The following UBN2 variants were observed in gnomAD, a reference collection of about 807,000 sequenced individuals.
UBN2 encodes ubinuclein 2.
Under a neutral mutation model 120.2 loss-of-function variants are expected in UBN2, and 35 were observed. The ratio of observed to expected loss-of-function variants is 0.29; its 90% CI spans 0.22 to 0.39. The LOEUF is 0.39. UBN2 is among the 10% of genes least tolerant of loss of function. The pLI is 1.00. For synonymous variants in UBN2, 661 were observed against 648.7 expected, an observed-to-expected ratio of 1.02 and a Z score of -0.29; for missense variants, 1,693 against 1,663.2, an observed-to-expected ratio of 1.02 and a Z score of -0.31.
intron 15 of UBN2, among the ~76,000 whole-genome samples, chr7:139,291,862 AT>A (rs780866391): frequency 2.6e-4 from 39 of 152,248 alleles, no homozygotes; most frequent in African/African-American, 7.7e-4. Flanking sequence ...TCTAAAAAAA[AT>A]AATAATAAAT....
In UBN2 at chr7:139,266,419, TAAAA is replaced by T; in HGVS notation, c.1466+24_1466+27del. The T allele has an allele frequency of 1.8e-6, 2 of 1,108,982 alleles. No individual in the cohort carries two copies. Among genetic ancestry groups the T allele is most frequent in the South Asian group, 1.6e-5 (1 of 62,404 alleles). 68.7% of individuals were successfully genotyped at this position (1,108,982 alleles called of 1,614,324 possible). On this transcript the variant is annotated intron_variant, in intron 7 of 17. Coordinates refer to ENST00000473989, the MANE Select transcript of UBN2 (RefSeq NM_173569.4). ...TTCTTCTGGAGTAAGTAATTTTCTT[TAAAA>T]AAAAAAACCTTAAGAATGATACATT...
chr7:139,249,813 T>G (rs1376025611), intron 2 of UBN2, among the ~76,000 whole-genome samples: 1 of 151,968 alleles, frequency 6.6e-6, no homozygotes, highest in African/African-American at 2.4e-5. Flanking sequence ...TCCTCCTGCC[T>G]CAGCCTCTCA....
At chr7:139,266,426 A>G in intron 7 of UBN2, 23 bp downstream of exon 7, 1 of 1,383,878 alleles carries the variant, frequency 7.2e-7, no homozygotes, top group African/African-American at 1.5e-5. Flanking sequence ...CTTTAAAAAA[A>G]AAAACCTTAA....
In UBN2 at chr7:139,283,456, G is replaced by A. The variant is rs1187683628; in HGVS notation, c.2551G>A (p.Gly851Ser). The change falls in exon 15 of 18, where the codon GGC becomes AGC. Residue 851 changes from glycine to serine, a missense_variant. Gly to Ser is a moderately conservative substitution (Grantham distance 56). Around this residue, in one of 5 missense-constraint regions of UBN2, gnomAD observed 837 missense variants for 817.6 expected, o/e 1.02. Transcript: ENST00000473989. Reference sequence around the variant, plus strand: ...GAAACCCCAGGATTTAGCTCATACTGGCATCTCTTCAGGCCTTATTGCTGG... The same window carrying A: ...GAAACCCCAGGATTTAGCTCATACTAGCATCTCTTCAGGCCTTATTGCTGG... ...PKKPQDLAHT[G>S]ISSGLIAGSS... 6.2e-7 allele frequency: 1 copy of A among 1,614,072 alleles called. No homozygotes were observed. Among genetic ancestry groups the A allele is most frequent in the South Asian group, 1.1e-5 (1 of 91,076 alleles).
In UBN2 at chr7:139,293,045, G is replaced by A. The variant is rs147263004; in HGVS notation, c.3670-187G>A. On this transcript the variant is annotated intron_variant, in intron 15 of 17. Transcript: ENST00000473989. The stretch of plus-strand genomic sequence containing the variant: ...TAGTAGATTGAGAGAGTGCGTGGGT[G>A]TTCATGTAAGTGCCACTAAAATAAC... Among the ~76,000 whole-genome samples, 10 of 152,244 alleles carry A rather than the reference G, an allele frequency of 6.6e-5. No individual in the cohort carries two copies. In the East Asian group the frequency reaches 1.9e-3, roughly 29 times the overall value.
chr7:139,310,512 T>G (rs1395843505), downstream of UBN2, among the ~76,000 whole-genome samples: 4 of 152,166 alleles, frequency 2.6e-5, no homozygotes, highest in African/African-American at 9.7e-5. Flanking sequence ...TGGTCATGCC[T>G]GTAATCCCAG....
At chr7:139,328,129 C>G in the UBN2 span, among the ~76,000 whole-genome samples, 1 of 152,146 alleles carries the variant, frequency 6.6e-6, no homozygotes, top group Non-Finnish European at 1.5e-5. Flanking sequence ...TATTTTCACA[C>G]TGCTATAAAG....
chr7:139,241,928 G>T (rs924688805), intron 2 of UBN2, among the ~76,000 whole-genome samples: 2 of 152,086 alleles, frequency 1.3e-5, no homozygotes, highest in Non-Finnish European at 2.9e-5. Context: ...AACCCAGGAG[G>T]CAGAGATTGC....
At position 139,283,347 on chromosome 7, in the gene UBN2, A is replaced by G. The variant is rs139682698; in HGVS notation, c.2442A>G (p.Pro814=). The change falls in exon 15 of 18, where the codon CCA becomes CCG. Residue 814 remains proline, a synonymous_variant. Coordinates refer to ENST00000473989, the MANE Select transcript of UBN2 (RefSeq NM_173569.4). ...TAGCAAGTATCATGAGTAAGCTGCC[A>G]CTAGCTACTCCCAAAAAACTAGATT... ...EKLASIMSKL[P]LATPKKLDST... is the part of the protein sequence containing the mutation. 1.7e-5 allele frequency: 28 copies of G among 1,613,934 alleles called. No individual in the cohort carries two copies. The highest frequency in any genetic ancestry group is 3.3e-4 in the Middle Eastern group (2 of 6,084).
chr7:139,297,842 C>CAGCA lies in UBN2; in HGVS notation c.*12_*15dup, dbSNP rs1484999525. 5.0e-6 allele frequency: 8 copies of CAGCA among 1,613,944 alleles called. No homozygotes were observed. The Middle Eastern group carries it at 4.9e-4, about 100-fold the overall frequency. ...TACCACGGAAATCTCAGTGACTGCC[C>CAGCA]AGCAAGCAAAGGAGACGAAATGTTT... On this transcript the variant is annotated 3_prime_UTR_variant, in exon 18 of 18. Coordinates refer to ENST00000473989, the MANE Select transcript of UBN2 (RefSeq NM_173569.4).
At chr7:139,277,712 GTA>G (rs1797485990) in intron 12 of UBN2, 1 of 152,092 alleles carries the variant, frequency 6.6e-6, no homozygotes, top group South Asian at 2.1e-4. Context: ...ATGTACATAC[GTA>G]TATGTTTGTG....
In UBN2 at chr7:139,297,976, A is replaced by T. The variant is rs1423957047; in HGVS notation, c.*140A>T. On this transcript the variant is annotated 3_prime_UTR_variant, in exon 18 of 18. Transcript: ENST00000473989. Reference sequence around the variant, plus strand: ...TCCCAAGCACTGTGGTGAGGAGGAAAAAGAAAAGAAAACATTACTTGAGCA... The same window carrying T: ...TCCCAAGCACTGTGGTGAGGAGGAATAAGAAAAGAAAACATTACTTGAGCA... 1 of 892,892 alleles carries T rather than the reference A, an allele frequency of 1.1e-6. No homozygotes were observed. Among genetic ancestry groups the T allele is most frequent in the East Asian group, 2.6e-5 (1 of 37,900 alleles). The allele number at this position is 892,892 out of a possible 1,614,324, so 55.3% of individuals were successfully genotyped here.
In UBN2 at chr7:139,301,189, A is replaced by G. The variant is rs988074643; in HGVS notation, c.*3353A>G. 1 of 152,154 alleles carries G rather than the reference A, an allele frequency of 6.6e-6. No homozygotes were observed. The highest frequency in any genetic ancestry group is 2.4e-5 in the African/African-American group (1 of 41,450). 9.4% of individuals were successfully genotyped at this position (152,154 alleles called of 1,614,324 possible). A position where few individuals can be genotyped will look rare whatever the true frequency, so the allele number is the denominator to read the frequency against. On this transcript the variant is annotated 3_prime_UTR_variant, in exon 18 of 18. Coordinates refer to ENST00000473989, the MANE Select transcript of UBN2 (RefSeq NM_173569.4). ...AGGAAGGTAAGGGGAAGAACCGGGC[A>G]CATATGTGTTGGAATACTGTGGGTT...
rs559826257 is a variant in UBN2, at chr7:139,293,448, C to A, written c.3886C>A (p.His1296Asn). 6.2e-7 allele frequency: 1 copy of A among 1,614,156 alleles called. No individual in the cohort carries two copies. The highest frequency in any genetic ancestry group is 1.7e-5 in the Admixed American group (1 of 60,024). Residue 1296 changes from histidine to asparagine, a missense_variant, in exon 16 of 18, where the codon CAT becomes AAT. Coordinates refer to ENST00000473989, the MANE Select transcript of UBN2 (RefSeq NM_173569.4). ...GGGATCTACCTCAGCCGCTTTCCAC[C>A]ATAGCCTAACTCAGAGTAAGTGGGG... ...TSGSTSAAFHHSLTQNLLKGL... is the reference protein window; with the variant it reads ...TSGSTSAAFHNSLTQNLLKGL...
the UBN2 span, among the ~76,000 whole-genome samples, chr7:139,316,101 A>AG: frequency 7.2e-6 from 1 of 139,820 alleles, no homozygotes; most frequent in Non-Finnish European, 1.5e-5. Context: ...AAAAAAAAAA[A>AG]AAAAAAGGGG....
Position 139,259,297 on chromosome 7 carries a change from A to G in UBN2, c.832A>G (p.Met278Val), listed in dbSNP as rs747840351. Residue 278 changes from methionine (M) to valine (V), a missense_variant, in exon 5 of 18, where the codon ATG becomes GTG. Met to Val is a conservative substitution (Grantham distance 21). This residue lies in a region of UBN2 where 663 missense variants were observed against 591.2 expected (regional missense o/e 1.12). Coordinates refer to ENST00000473989, the MANE Select transcript of UBN2 (RefSeq NM_173569.4). ...VPKIKEDDIEMKKRKRKEEGE... is the reference protein window; with the variant it reads ...VPKIKEDDIEVKKRKRKEEGE... ...CAAAATAAAAGAAGATGATATTGAG[A>G]TGAAGAAGCGGAAGCGGAAAGAGGA... 1.6e-5 allele frequency: 26 copies of G among 1,613,942 alleles called. No individual in the cohort carries two copies. In the Middle Eastern group the frequency reaches 5.0e-4, roughly 31 times the overall value.
chr7:139,312,841 G>C (rs1378263241), downstream of UBN2, among the ~76,000 whole-genome samples: 1 of 152,078 alleles, frequency 6.6e-6, no homozygotes, highest in Non-Finnish European at 1.5e-5. Context: ...GTAATGTAGG[G>C]ATCCAGCTTT....
chr7:139,293,728 A>G (rs1363408796), intron 16 of UBN2, 161 bp from the exon 17 acceptor site: 4 of 675,630 alleles, frequency 5.9e-6, no homozygotes, highest in Admixed American at 5.5e-5. Context: ...ATGTGCATAC[A>G]CATACATTAA....
At chr7:139,248,898 T>C (rs928167612) in intron 2 of UBN2, among the ~76,000 whole-genome samples, 21 of 152,176 alleles carry the variant, frequency 1.4e-4, no homozygotes, top group African/African-American at 5.1e-4. Context: ...AAGGTCTCAG[T>C]CTGCAGACCT....
Sources: gnomAD v4.1 joint callset for allele counts (sites outside exome capture counted in the v4.1 genomes callset) on GRCh38, gnomAD v4.1.1 for gene constraint, gnomAD v4.1.1 regional missense constraint, MANE v1.5 for transcripts, NCBI Gene and HGNC (gene_info 2026-07-23, HGNC 2026-07-21) for gene names.